Variants in KIAA1217 observed in about 807,000 individuals in gnomAD.
KIAA1217 encodes the protein KIAA1217.
A neutral mutation model predicts 163.9 loss-of-function variants in KIAA1217; 88 were observed. That is an observed-to-expected ratio of 0.54 (90% CI 0.45 to 0.64). The LOEUF is 0.64. Among genes scored for constraint, KIAA1217 ranks in the 30% least tolerant of loss-of-function variants. The pLI is 0.00. For synonymous variants in KIAA1217, 903 were observed against 923.1 expected (o/e 0.98, Z 0.39); for missense variants, 2,372 against 2,475.0 (o/e 0.96, Z 0.88).
intron 2 of KIAA1217, among the ~76,000 whole-genome samples, chr10:24,050,200 T>A (rs1210514168): frequency 6.6e-6 from 1 of 152,224 alleles, no homozygotes; most frequent in Non-Finnish European, 1.5e-5. Context: ...AGATTCTGGA[T>A]ATTAGCCCTT....
At chr10:23,853,779 T>C (rs1279145902) in intron 1 of KIAA1217, among the ~76,000 whole-genome samples, 1 of 152,230 alleles carries the variant, frequency 6.6e-6, no homozygotes, top group African/African-American at 2.4e-5. Flanking sequence ...CCATTTCTTC[T>C]AGATTTTTTA....
intron 1 of KIAA1217, among the ~76,000 whole-genome samples, chr10:23,965,263 T>G (rs1007668931): frequency 6.6e-6 from 1 of 152,236 alleles, no homozygotes; most frequent in African/African-American, 2.4e-5. Flanking sequence ...CCGGAGGGCC[T>G]CTGCGTGTGT....
At chr10:24,295,734 G>A (rs753446927) in intron 2 of KIAA1217, among the ~76,000 whole-genome samples, 12 of 152,008 alleles carry the variant, frequency 7.9e-5, no homozygotes, top group South Asian at 6.2e-4. Flanking sequence ...TCCCTCTGCC[G>A]GGCATCCTCT....
intron 1 of KIAA1217, among the ~76,000 whole-genome samples, chr10:23,836,944 AGGG>A (rs1838490254): frequency 9.6e-6 from 1 of 103,628 alleles, no homozygotes; most frequent in Admixed American, 1.2e-4. Context: ...GGAGGGAGGG[AGGG>A]AGGGAGGGAA....
chr10:24,416,682 C>A (rs1172685641), intron 3 of KIAA1217, among the ~76,000 whole-genome samples: 2 of 152,210 alleles, frequency 1.3e-5, no homozygotes, highest in Non-Finnish European at 2.9e-5. Context: ...TGGGCTGGAT[C>A]ATGTGATCAG....
chr10:23,935,873 T>A (rs1289766603), intron 1 of KIAA1217, among the ~76,000 whole-genome samples: 2 of 152,206 alleles, frequency 1.3e-5, no homozygotes, highest in African/African-American at 4.8e-5. Flanking sequence ...TAATGGTGGA[T>A]AAATGTCAGG....
At chr10:24,412,242 C>T (rs964208246) in intron 3 of KIAA1217, among the ~76,000 whole-genome samples, 5 of 151,804 alleles carry the variant, frequency 3.3e-5, no homozygotes, top group Admixed American at 1.3e-4. Flanking sequence ...TGGTGGCATT[C>T]GAGCCATGTC....
At chr10:24,066,396 T>C (rs1263193805) in intron 2 of KIAA1217, among the ~76,000 whole-genome samples, 2 of 152,206 alleles carry the variant, frequency 1.3e-5, no homozygotes, top group East Asian at 3.9e-4. Flanking sequence ...TCTCCTGCAC[T>C]TATGAAGCTT....
intron 2 of KIAA1217, among the ~76,000 whole-genome samples, chr10:24,351,226 G>A (rs760819017): frequency 2.0e-5 from 3 of 152,230 alleles, no homozygotes; most frequent in Non-Finnish European, 4.4e-5. Context: ...GGGATTACAG[G>A]TGCAAGCCAC....
chr10:24,167,705 A>G (rs2065425310), intron 2 of KIAA1217, among the ~76,000 whole-genome samples: 1 of 151,948 alleles, frequency 6.6e-6, no homozygotes, highest in Non-Finnish European at 1.5e-5. Flanking sequence ...CCTCACACAA[A>G]CTCAATGTTT....
chr10:24,522,033 C>T (rs1356059542), intron 12 of KIAA1217, 104 bp downstream of exon 12: 9 of 1,302,430 alleles, frequency 6.9e-6, no homozygotes, highest in Non-Finnish European at 9.4e-6. Flanking sequence ...TCCCAGGACA[C>T]ATCCAGTGTC....
chr10:24,048,665 G>C (rs1384649677), intron 2 of KIAA1217, among the ~76,000 whole-genome samples: 1 of 151,714 alleles, frequency 6.6e-6, no homozygotes, highest in East Asian at 1.9e-4. Flanking sequence ...GGGAGGCAGA[G>C]GTTGCAGTGA....
chr10:23,912,432 T>C (rs1245051664), intron 1 of KIAA1217, among the ~76,000 whole-genome samples: 7 of 152,020 alleles, frequency 4.6e-5, no homozygotes, highest in African/African-American at 1.7e-4. Flanking sequence ...GTACCCATCA[T>C]CTAAATAGCG....
rs1431867414 is a variant in KIAA1217 at position 23,695,985 on chromosome 10, T to A, written c.-321+751T>A. On this transcript the variant is annotated intron_variant, in intron 1 of 18. Coordinates refer to the KIAA1217 transcript ENST00000376462. This position sits in a 1 kb window ranked among gnomAD's most constrained non-coding sequence, Gnocchi z 4.9. ...GCTGGCTGCCCTCCCCGCTCGCCGC[T>A]CTCCCCGCGCCGCTGCGGGTCCTCC... 1.3e-5 allele frequency among the ~76,000 whole-genome samples: 2 copies of A among 152,044 alleles called. No individual in the cohort carries two copies. Among genetic ancestry groups the A allele is most frequent in the Non-Finnish European group, 2.9e-5 (2 of 68,002 alleles).
intron 11 of KIAA1217, among the ~76,000 whole-genome samples, chr10:24,520,651 A>AAAAAAAATATATATATATAT (rs1554926857): frequency 2.5e-5 from 1 of 39,678 alleles, no homozygotes; most frequent in African/African-American, 8.8e-5. Flanking sequence ...AAAAAAAAAA[A>AAAAAAAATATATATATATAT]ATATATATAT....
At chr10:24,504,552 C>T (rs563564865) in intron 9 of KIAA1217, among the ~76,000 whole-genome samples, 72 of 152,300 alleles carry the variant, frequency 4.7e-4, no homozygotes, top group South Asian at 1.0e-3. Flanking sequence ...CAAAAATGAA[C>T]TGCAGCCGCA....
intron 3 of KIAA1217, among the ~76,000 whole-genome samples, chr10:24,390,483 AGG>A (rs2054742900): frequency 1.7e-5 from 1 of 59,920 alleles, no homozygotes; most frequent in Non-Finnish European, 3.0e-5. Context: ...GAGGGAAGGA[AGG>A]AAGGAAGGAA....
chr10:23,805,992 A>T (rs543242994), intron 1 of KIAA1217, among the ~76,000 whole-genome samples: 185 of 122,196 alleles, frequency 1.5e-3, no homozygotes, highest in African/African-American at 6.0e-3. Flanking sequence ...GCAAAACTCC[A>T]TCTCAAAAAA....
intron 15 of KIAA1217, among the ~76,000 whole-genome samples, chr10:24,532,564 G>T (rs759308325): frequency 6.6e-6 from 1 of 152,176 alleles, no homozygotes; most frequent in South Asian, 2.1e-4. Flanking sequence ...GGCTGGGGAG[G>T]TCTCACAATT....
Sources: allele counts gnomAD v4.1 joint callset (sites outside exome capture counted in the v4.1 genomes callset), GRCh38; gene constraint gnomAD v4.1.1; non-coding constraint Gnocchi (gnomAD v3.1); transcripts MANE v1.5; gene names NCBI Gene and HGNC (gene_info 2026-07-23, HGNC 2026-07-21).